The following PCDH1 variants were observed in gnomAD, a reference collection of about 807,000 sequenced individuals.
PCDH1 encodes protocadherin-1.
PCDH1 carries 23 observed loss-of-function variants against 74.6 expected under a neutral mutation model. The ratio of observed to expected loss-of-function variants is 0.31; its 90% confidence interval spans 0.22 to 0.44. The LOEUF (loss-of-function observed/expected upper bound fraction) is 0.44, where lower values mean the gene tolerates loss of function less well. Among genes scored for constraint, PCDH1 ranks in the 20% least tolerant of loss-of-function variants. The probability of loss-of-function intolerance (pLI) is 1.00; values close to 1 mark genes in which losing one functional copy is unlikely to be tolerated. For missense variants in PCDH1, 1,214 were observed against 1,641.4 expected (o/e 0.74, Z 4.50); for synonymous variants, 647 against 686.1 (o/e 0.94, Z 0.89).
At chr5:141,867,479 T>C (rs1304555031) in intron 2 of PCDH1, 5 of 422,774 alleles carry the variant, frequency 1.2e-5, no homozygotes, top group Non-Finnish European at 2.3e-5. Context: ...CCTTGTACTG[T>C]AAGGATTAAA....
rs779523893 is a variant in PCDH1 at position 141,869,069 on chromosome 5, C to T, written c.403G>A (p.Glu135Lys). 1 of 1,613,966 alleles carries T rather than the reference C, an allele frequency of 6.2e-7. No homozygotes were observed. The highest frequency in any genetic ancestry group is 8.5e-7 in the Non-Finnish European group (1 of 1,180,040). The change falls in exon 2 of 5, where the codon GAG (glutamate) becomes AAG (lysine). Residue 135 changes from glutamate to lysine, a missense_variant. By Grantham distance (56) the Glu-to-Lys change is moderately conservative. Transcript: ENST00000287008. This position sits in a 1 kb window ranked among gnomAD's most constrained non-coding sequence, Gnocchi z 4.9. ...NQLPGDPCIL[E>K]FEVSITDLVQ... Reference sequence around the variant, plus strand: ...AGGTCTGTGATAGATACCTCAAACTCCAGGATGCAGGGATCACCAGGGAGC... The same window carrying T: ...AGGTCTGTGATAGATACCTCAAACTTCAGGATGCAGGGATCACCAGGGAGC...
In PCDH1 at chr5:141,868,592, G is replaced by C; in HGVS notation, c.880C>G (p.Pro294Ala). The stretch of plus-strand genomic sequence containing the variant: ...ACCTGGATGACCGAGTGGCCTATGG[G>C]GCTATTCTCAGATAGTTCGGCCTCA... ...SYEAELSENS[P>A]IGHSVIQVKA... The change falls in exon 2 of 5, where the codon CCC becomes GCC. Residue 294 changes from proline (P) to alanine (A), a missense_variant. By Grantham distance (27) the Pro-to-Ala change is conservative. Coordinates refer to ENST00000287008, the MANE Select transcript of PCDH1 (RefSeq NM_032420.5). This position sits in a 1 kb window ranked among gnomAD's most constrained non-coding sequence, Gnocchi z 4.8. 1 of 1,556,648 alleles carries C rather than the reference G, an allele frequency of 6.4e-7. No homozygotes were observed. The highest frequency in any genetic ancestry group is 8.7e-7 in the Non-Finnish European group (1 of 1,151,864).
Position 141,869,787 on chromosome 5 carries a change from A to G in PCDH1, c.41-356T>C, listed in dbSNP as rs1012631280. ...TGCTCTCTGCTCTGTGCTTCACCCA[A>G]CACCTCCTTCTCACGAGCATCCTGC... On this transcript the variant is annotated intron_variant, in intron 1 of 4. Coordinates refer to ENST00000287008, the MANE Select transcript of PCDH1 (RefSeq NM_032420.5). The surrounding 1 kb of genome is among the most constrained non-coding windows in gnomAD (Gnocchi z 4.9). The G allele has an allele frequency of 2.3e-5, 23 of 985,192 alleles. No individual in the cohort carries two copies. In the South Asian group the frequency reaches 8.0e-4, roughly 34 times the overall value. The allele number at this position is 985,192 out of a possible 1,614,324, so 61.0% of individuals were successfully genotyped here.
intron 1 of PCDH1, among the ~76,000 whole-genome samples, chr5:141,876,142 G>C (rs1441169733): frequency 6.6e-6 from 1 of 152,184 alleles, no homozygotes; most frequent in African/African-American, 2.4e-5. Flanking sequence ...GGAGATTAGG[G>C]GGTGGCGGGG....
At chr5:141,867,232 A>G (rs1473798717) in intron 2 of PCDH1, among the ~76,000 whole-genome samples, 2 of 152,182 alleles carry the variant, frequency 1.3e-5, no homozygotes, top group Non-Finnish European at 2.9e-5. Flanking sequence ...CCTTTCCCAC[A>G]GCCTGTTTTC....
rs536008395 is a variant in PCDH1, at chr5:141,869,727, C to T, written c.41-296G>A. 235 of 1,462,438 alleles carry T rather than the reference C, an allele frequency of 1.6e-4. 1 individual carries two copies. The African/African-American group carries it at 3.1e-3, about 19-fold the overall frequency. The allele number at this position is 1,462,438 out of a possible 1,614,324, so 90.6% of individuals were successfully genotyped here. Reference sequence around the variant, plus strand: ...CCACCTGACGCTCCCTGGGCCCAAGCCCGGCTGCCCGCCCTCTTTCCTTCT... The same window carrying T: ...CCACCTGACGCTCCCTGGGCCCAAGTCCGGCTGCCCGCCCTCTTTCCTTCT... On this transcript the variant is annotated intron_variant, in intron 1 of 4. Coordinates refer to ENST00000287008, the MANE Select transcript of PCDH1 (RefSeq NM_032420.5). The surrounding 1 kb of genome is among the most constrained non-coding windows in gnomAD (Gnocchi z 4.9).
Position 141,865,051 on chromosome 5 carries a change from T to C in PCDH1, c.1280A>G (p.Asn427Ser), listed in dbSNP as rs753376722. Residue 427 changes from asparagine (N) to serine (S), a missense_variant, in exon 3 of 5, where the codon AAT (asparagine) becomes AGT (serine). Asn to Ser is a conservative substitution (Grantham distance 46). Transcript: ENST00000287008. The surrounding 1 kb of genome is among the most constrained non-coding windows in gnomAD (Gnocchi z 4.4). ...VQVSDRDEGE[N>S]AAVTCVVAGD... ...TGCCACCACACAGGTGACAGCTGCA[T>C]TCTCTCCCTCATCTCGGTCAGACAC... 2.5e-6 allele frequency: 4 copies of C among 1,614,036 alleles called. No individual in the cohort carries two copies. In the East Asian group the frequency reaches 6.7e-5, roughly 27 times the overall value.
chr5:141,875,434 G>C (rs1161851561), intron 1 of PCDH1, among the ~76,000 whole-genome samples: 1 of 151,930 alleles, frequency 6.6e-6, no homozygotes, highest in African/African-American at 2.4e-5. Context: ...AACTATCCTT[G>C]CTCACGGCAG....
intron 1 of PCDH1, among the ~76,000 whole-genome samples, chr5:141,870,317 G>A (rs111230088): frequency 0.024 from 3,581 of 152,282 alleles, 133 homozygotes; most frequent in African/African-American, 0.082. Flanking sequence ...AACATGCACA[G>A]TTGCTAGGGC....
chr5:141,868,589 T>TGGGG lies in PCDH1; in HGVS notation c.879_882dup (p.Ile295ProfsTer13). ...CTCACCTGGATGACCGAGTGGCCTA[T>TGGGG]GGGGCTATTCTCAGATAGTTCGGCC... On this transcript the variant is annotated frameshift_variant, in exon 2 of 5. Transcript: ENST00000287008. LOFTEE classifies it high-confidence loss of function. The surrounding 1 kb of genome is among the most constrained non-coding windows in gnomAD (Gnocchi z 4.8). The TGGGG allele has an allele frequency of 6.5e-7, 1 of 1,549,658 alleles. No homozygotes were observed. Among genetic ancestry groups the TGGGG allele is most frequent in the Non-Finnish European group, 8.7e-7 (1 of 1,148,974 alleles).
rs372512626 is a variant in PCDH1 at position 141,864,770 on chromosome 5, G to A, written c.1561C>T (p.Pro521Ser). 1 of 1,614,104 alleles carries A rather than the reference G, an allele frequency of 6.2e-7. No individual in the cohort carries two copies. The highest frequency in any genetic ancestry group is 8.5e-7 in the Non-Finnish European group (1 of 1,180,014). ...GTGATCTCAGCAATCACTTCACCAGGCTTGTTGTTTTCCGGGAAGGCGACC... is the reference window on the plus strand; with the variant it reads ...GTGATCTCAGCAATCACTTCACCAGACTTGTTGTTTTCCGGGAAGGCGACC... The part of the protein sequence containing the change: ...TEVAFPENNK[P>S]GEVIAEITAS... The change falls in exon 3 of 5, where the codon CCT (proline) becomes TCT (serine). Residue 521 changes from proline (P) to serine (S), a missense_variant. This residue lies in a region of PCDH1 where 836 missense variants were observed against 1,182.2 expected (regional missense o/e 0.71). Transcript: ENST00000287008. The surrounding 1 kb of genome is among the most constrained non-coding windows in gnomAD (Gnocchi z 5.9).
intron 3 of PCDH1, among the ~76,000 whole-genome samples, chr5:141,861,776 G>C (rs957108986): frequency 4.0e-5 from 6 of 150,902 alleles, no homozygotes; most frequent in African/African-American, 1.5e-4. Context: ...AGGGCCTGAG[G>C]CCCCTCAGCC....
Position 141,863,035 on chromosome 5 carries a change from C to T in PCDH1, c.3099+197G>A. ...GGGAGGAGACCACAGAGCACACCCT[C>T]CCTTAATCTTCACTCAGCCTAATCC... On this transcript the variant is annotated intron_variant, in intron 3 of 4. Transcript: ENST00000287008. This position sits in a 1 kb window ranked among gnomAD's most constrained non-coding sequence, Gnocchi z 7.5. 1 of 1,319,290 alleles carries T rather than the reference C, an allele frequency of 7.6e-7. No homozygotes were observed. Among genetic ancestry groups the T allele is most frequent in the Non-Finnish European group, 9.7e-7 (1 of 1,034,616 alleles). 81.7% of individuals were successfully genotyped at this position (1,319,290 alleles called of 1,614,324 possible).
rs1025853460 is a variant in PCDH1, at chr5:141,878,104, C to T, written c.40+119G>A. The T allele has an allele frequency of 1.4e-4, 130 of 930,718 alleles. 1 individual carries two copies. Among genetic ancestry groups the T allele is most frequent in the Middle Eastern group, 3.8e-4 (1 of 2,612 alleles). The allele number at this position is 930,718 out of a possible 1,614,324, so 57.7% of individuals were successfully genotyped here. A position where few individuals can be genotyped will look rare whatever the true frequency, so the allele number is the denominator to read the frequency against. ...AGCCCCCACCTCAGCCCCCTCGCGC[C>T]GAGCTCGTGTTGGGCCCCCGCGGCC... On this transcript the variant is annotated intron_variant, in intron 1 of 4. Transcript: ENST00000287008. This position sits in a 1 kb window ranked among gnomAD's most constrained non-coding sequence, Gnocchi z 5.5.
At chr5:141,875,736 A>ACTT (rs1753210552) in intron 1 of PCDH1, among the ~76,000 whole-genome samples, 1 of 152,110 alleles carries the variant, frequency 6.6e-6, no homozygotes, top group African/African-American at 2.4e-5. Flanking sequence ...CTGAATCCAG[A>ACTT]CTTGCCTCCC....
chr5:141,864,876 TG>T lies in PCDH1; in HGVS notation c.1454del (p.Pro485HisfsTer40). The T allele has an allele frequency of 1.2e-6, 2 of 1,613,782 alleles. No homozygotes were observed. The highest frequency in any genetic ancestry group is 1.7e-6 in the Non-Finnish European group (2 of 1,179,948). ...EIVAVDSGNP[P>X]LSSTNSLKVQ... ...CCTTGAGGGAGTTAGTGCTGGAGAG[TG>T]GGGGGTTGCCAGAGTCCACAGCCAC... On this transcript the variant is annotated frameshift_variant, in exon 3 of 5. Transcript: ENST00000287008. LOFTEE classifies it high-confidence loss of function. The surrounding 1 kb of genome is among the most constrained non-coding windows in gnomAD (Gnocchi z 5.9).
rs369719036 is a variant in PCDH1 at position 141,868,553 on chromosome 5, G to A, written c.903+16C>T. ...TGGTGGGTCACCCTGACAGTTATACGGAGGGGGCCTCTCACCTGGATGACC... is the reference window on the plus strand; with the variant it reads ...TGGTGGGTCACCCTGACAGTTATACAGAGGGGGCCTCTCACCTGGATGACC... On this transcript the variant is annotated intron_variant, in intron 2 of 4. Transcript: ENST00000287008. This position sits in a 1 kb window ranked among gnomAD's most constrained non-coding sequence, Gnocchi z 4.8. The A allele has an allele frequency of 4.7e-5, 71 of 1,522,356 alleles. No homozygotes were observed. The highest frequency in any genetic ancestry group is 4.4e-4 in the South Asian group (33 of 75,352). The allele number at this position is 1,522,356 out of a possible 1,614,324, so 94.3% of individuals were successfully genotyped here. A position where few individuals can be genotyped will look rare whatever the true frequency, so the allele number is the denominator to read the frequency against.
chr5:141,862,508 A>T (rs1245015670), intron 3 of PCDH1: 2 of 427,070 alleles, frequency 4.7e-6, no homozygotes, highest in Admixed American at 1.3e-4. Flanking sequence ...AGGCTAAGAT[A>T]GTGTGGGGTA....
At position 141,863,143 on chromosome 5, in the gene PCDH1, C is replaced by T; in HGVS notation, c.3099+89G>A. The T allele has an allele frequency of 6.8e-7, 1 of 1,471,816 alleles. No homozygotes were observed. Among genetic ancestry groups the T allele is most frequent in the Non-Finnish European group, 9.0e-7 (1 of 1,109,088 alleles). 91.2% of individuals were successfully genotyped at this position (1,471,816 alleles called of 1,614,324 possible). On this transcript the variant is annotated intron_variant, in intron 3 of 4. Transcript: ENST00000287008. The surrounding 1 kb of genome is among the most constrained non-coding windows in gnomAD (Gnocchi z 7.5). ...AACACGGGCAGGCACAGTAAACCTG[C>T]TCCATCACTCCCACACCTCGGTCCA...
Sources: gnomAD v4.1 joint callset for allele counts (sites outside exome capture counted in the v4.1 genomes callset) on GRCh38, gnomAD v4.1.1 for gene constraint, gnomAD v4.1.1 regional missense constraint, Gnocchi (gnomAD v3.1) non-coding constraint, MANE v1.5 for transcripts, NCBI Gene and HGNC (gene_info 2026-07-23, HGNC 2026-07-21) for gene names.